FBXL7: variants seen among roughly 807,000 people sequenced by gnomAD.
FBXL7 encodes the protein F-box/LRR-repeat protein 7.
A neutral mutation model predicts 38.3 loss-of-function variants in FBXL7; 12 were observed. That is an observed-to-expected ratio of 0.31 (90% CI 0.20 to 0.51). FBXL7 has a LOEUF of 0.51. Among genes scored for constraint, FBXL7 ranks in the 20% least tolerant of loss-of-function variants. The pLI is 0.98. For synonymous variants in FBXL7, 297 were observed against 300.9 expected (o/e 0.99, Z 0.13); for missense variants, 567 against 676.4 (o/e 0.84, Z 1.79).
At chr5:15,808,021 C>T (rs942361780) in intron 2 of FBXL7, among the ~76,000 whole-genome samples, 2 of 152,116 alleles carry the variant, frequency 1.3e-5, no homozygotes, top group Admixed American at 1.3e-4. Context: ...CCCCCGTGAC[C>T]GTAGACCAGG....
intron 1 of FBXL7, chr5:15,580,505 T>A: frequency 2.3e-6 from 1 of 442,930 alleles, no homozygotes; most frequent in East Asian, 1.6e-4. Flanking sequence ...GGTTTATAAT[T>A]ACCTAAAAAC....
Position 15,500,479 on chromosome 5 carries a change from C to A in FBXL7, c.-198C>A. The A allele has an allele frequency of 1.5e-6, 1 of 688,780 alleles. No individual in the cohort carries two copies. The highest frequency in any genetic ancestry group is 2.5e-6 in the Non-Finnish European group (1 of 392,950). 42.7% of individuals were successfully genotyped at this position (688,780 alleles called of 1,614,324 possible). On this transcript the variant is annotated 5_prime_UTR_variant, in exon 1 of 4. Transcript: ENST00000504595. ...CTGTGCCCGGCCCCGCCTGGAGCCA[C>A]CGGGGGTGCCAGGAGGGGACGCAGC...
chr5:15,935,433 A>G (rs370368452), intron 3 of FBXL7, among the ~76,000 whole-genome samples: 15 of 100,330 alleles, frequency 1.5e-4, no homozygotes, highest in African/African-American at 2.7e-4. Context: ...TTTCCAAGAC[A>G]CCTCGGGCAG....
chr5:15,728,641 A>G lies in FBXL7; in HGVS notation c.127+112569A>G, dbSNP rs116715686. On this transcript the variant is annotated intron_variant, in intron 2 of 3. Coordinates refer to ENST00000504595, the MANE Select transcript of FBXL7 (RefSeq NM_012304.5). ...CATCCTGTGAAATTGATTCTTGCCT[A>G]AACTACTAAAATTATGTTTCTGAAT... Among the ~76,000 whole-genome samples, 394 of 152,266 alleles carry G rather than the reference A, an allele frequency of 2.6e-3. 1 individual carries two copies. The highest frequency in any genetic ancestry group is 8.9e-3 in the African/African-American group (370 of 41,576).
chr5:15,604,840 G>C (rs1310717482), intron 1 of FBXL7, among the ~76,000 whole-genome samples: 1 of 152,110 alleles, frequency 6.6e-6, no homozygotes, highest in Non-Finnish European at 1.5e-5. Context: ...TGTAGCTCTG[G>C]CCTTTCCCAC....
chr5:15,746,276 G>C (rs1415029126), intron 2 of FBXL7, among the ~76,000 whole-genome samples: 1 of 152,206 alleles, frequency 6.6e-6, no homozygotes, highest in Non-Finnish European at 1.5e-5. Context: ...ACATCCAAGG[G>C]GAGCGGTAGA....
intron 2 of FBXL7, among the ~76,000 whole-genome samples, chr5:15,840,157 G>A (rs775433960): frequency 3.9e-5 from 6 of 152,080 alleles, no homozygotes; most frequent in Admixed American, 1.3e-4. Flanking sequence ...GTCTTTCCTC[G>A]GAGAAAGTGT....
intron 1 of FBXL7, among the ~76,000 whole-genome samples, chr5:15,558,751 A>G (rs574092381): frequency 1.5e-4 from 23 of 152,296 alleles, no homozygotes; most frequent in South Asian, 4.1e-4. Context: ...ATAGAGAATT[A>G]TTTTCTCCTC....
intron 2 of FBXL7, among the ~76,000 whole-genome samples, chr5:15,817,567 T>C (rs1021402185): frequency 1.3e-5 from 2 of 152,138 alleles, no homozygotes; most frequent in African/African-American, 2.4e-5. Flanking sequence ...TTACCCACCA[T>C]GTGTCATGGA....
chr5:15,903,586 G>A (rs966310285), intron 2 of FBXL7, among the ~76,000 whole-genome samples: 2 of 152,056 alleles, frequency 1.3e-5, no homozygotes, highest in Non-Finnish European at 2.9e-5. Context: ...TTTAAAGGAG[G>A]TTAGAAAACT....
intron 1 of FBXL7, among the ~76,000 whole-genome samples, chr5:15,511,615 G>C (rs1254889325): frequency 6.6e-6 from 1 of 152,302 alleles, no homozygotes. Context: ...CCTGGCCCAG[G>C]CTTCTCCATG....
intron 2 of FBXL7, among the ~76,000 whole-genome samples, chr5:15,869,728 G>A (rs548955325): frequency 2.6e-4 from 39 of 152,172 alleles, no homozygotes; most frequent in Non-Finnish European, 3.8e-4. Flanking sequence ...TTAAAACTAC[G>A]CCACTGAGTA....
At chr5:15,879,658 C>T (rs2126324587) in intron 2 of FBXL7, among the ~76,000 whole-genome samples, 1 of 152,296 alleles carries the variant, frequency 6.6e-6, no homozygotes, top group African/African-American at 2.4e-5. Flanking sequence ...AAGCCCATGA[C>T]ACTTAAACCT....
intron 2 of FBXL7, among the ~76,000 whole-genome samples, chr5:15,896,764 A>G (rs1195670854): frequency 6.6e-6 from 1 of 152,156 alleles, no homozygotes; most frequent in Non-Finnish European, 1.5e-5. Context: ...ATGAGAAGAA[A>G]AAAAAAAAAC....
chr5:15,854,553 A>ATGCTT (rs1407367408), intron 2 of FBXL7, among the ~76,000 whole-genome samples: 1 of 152,208 alleles, frequency 6.6e-6, no homozygotes, highest in African/African-American at 2.4e-5. Flanking sequence ...TTCAACTCAA[A>ATGCTT]TGCTTTTCTA....
At position 15,825,884 on chromosome 5, in the gene FBXL7, C is replaced by T. The variant is rs1022334795; in HGVS notation, c.128-102006C>T. Among the ~76,000 whole-genome samples the T allele has an allele frequency of 5.3e-5, 8 of 152,284 alleles. No homozygotes were observed. The Middle Eastern group carries it at 0.01, about 194-fold the overall frequency. On this transcript the variant is annotated intron_variant, in intron 2 of 3. Coordinates refer to ENST00000504595, the MANE Select transcript of FBXL7 (RefSeq NM_012304.5). ...GAGAGGAAGAAAAGGAGAAACTCAA[C>T]GGTTTGATTTGCCCAAGTAAGAAAC...
chr5:15,884,652 T>C (rs1740603368), intron 2 of FBXL7, among the ~76,000 whole-genome samples: 1 of 152,150 alleles, frequency 6.6e-6, no homozygotes, highest in African/African-American at 2.4e-5. Context: ...GTGAATTCAA[T>C]AGAGATAGTT....
At chr5:15,720,342 C>G (rs7709102) in intron 2 of FBXL7, among the ~76,000 whole-genome samples, 86,628 of 147,010 alleles carry the variant, frequency 0.59, 28,880 homozygotes, top group East Asian at 0.71. Flanking sequence ...GTAAATTATA[C>G]AACCAATTAG....
intron 2 of FBXL7, among the ~76,000 whole-genome samples, chr5:15,845,949 G>A (rs1738889013): frequency 6.6e-6 from 1 of 152,232 alleles, no homozygotes; most frequent in African/African-American, 2.4e-5. Flanking sequence ...TCCAGCCTGG[G>A]CAACAGAGCG....
Sources: allele counts gnomAD v4.1 joint callset (sites outside exome capture counted in the v4.1 genomes callset), GRCh38; gene constraint gnomAD v4.1.1; transcripts MANE v1.5; gene names NCBI Gene and HGNC (gene_info 2026-07-23, HGNC 2026-07-21).